Variants in NFIC observed in about 807,000 individuals in gnomAD.
NFIC encodes the protein nuclear factor I C.
Under a neutral mutation model 54.4 loss-of-function variants are expected in NFIC, and 12 were observed. The ratio of observed to expected loss-of-function variants is 0.22; its 90% CI spans 0.14 to 0.36. NFIC has a LOEUF of 0.36. Ranked by LOEUF, NFIC falls within the 10% of genes least tolerant of loss-of-function variation. The pLI is 1.00. For missense variants in NFIC, 575 were observed against 718.2 expected, an observed-to-expected ratio of 0.80 and a Z score of 2.28; for synonymous variants, 322 against 319.2, an observed-to-expected ratio of 1.01 and a Z score of -0.09.
rs1199694372 is a variant in NFIC at position 3,370,367 on chromosome 19, G to A, written c.30+3701G>A. Reference sequence around the variant, plus strand: ...TGTATCTCCCTCTGGGTCTCTCTGTGCATCTCTCTCTGTTTCTCCCCCTCC... The same window carrying A: ...TGTATCTCCCTCTGGGTCTCTCTGTACATCTCTCTCTGTTTCTCCCCCTCC... On this transcript the variant is annotated intron_variant, in intron 1 of 10. Coordinates refer to ENST00000443272, the MANE Select transcript of NFIC (RefSeq NM_001245002.2). The surrounding 1 kb of genome is among the most constrained non-coding windows in gnomAD (Gnocchi z 5.2). Among the ~76,000 whole-genome samples, 4 of 152,004 alleles carry A rather than the reference G, an allele frequency of 2.6e-5. No individual in the cohort carries two copies. The highest frequency in any genetic ancestry group is 4.4e-5 in the Non-Finnish European group (3 of 67,968).
At chr19:3,436,331 T>TAA (rs2082203664) in intron 6 of NFIC, among the ~76,000 whole-genome samples, 1 of 138,880 alleles carries the variant, frequency 7.2e-6, no homozygotes, top group South Asian at 2.3e-4. Flanking sequence ...TTTTTTTTTT[T>TAA]TTTTTTGGTA....
At chr19:3,365,402 T>C (rs1250668315), upstream of NFIC, among the ~76,000 whole-genome samples, 2 of 152,200 alleles carry the variant, frequency 1.3e-5, no homozygotes, top group Non-Finnish European at 2.9e-5. Context: ...TAAGCCACTT[T>C]ATAGGGGAGA....
intron 3 of NFIC, among the ~76,000 whole-genome samples, chr19:3,428,887 TCTC>T (rs1336542264): frequency 6.6e-6 from 1 of 150,852 alleles, no homozygotes; most frequent in Non-Finnish European, 1.5e-5. Context: ...TCTGGCCACT[TCTC>T]CTGGACACTC....
intron 6 of NFIC, among the ~76,000 whole-genome samples, chr19:3,444,011 C>T (rs1056839402): frequency 6.6e-6 from 1 of 152,364 alleles, no homozygotes; most frequent in Admixed American, 6.5e-5. Flanking sequence ...TGGGCCTTGG[C>T]CCCCTGGGGG....
At chr19:3,403,234 A>G (rs1474238823) in intron 2 of NFIC, among the ~76,000 whole-genome samples, 1 of 152,072 alleles carries the variant, frequency 6.6e-6, no homozygotes, top group Admixed American at 6.6e-5. Flanking sequence ...GGAAGGAGAA[A>G]GTTTCCTTCT....
At chr19:3,427,454 A>G (rs1437679334) in intron 3 of NFIC, among the ~76,000 whole-genome samples, 1 of 152,144 alleles carries the variant, frequency 6.6e-6, no homozygotes. Flanking sequence ...TTGTAGAAAG[A>G]AAAGAAGGAG....
chr19:3,397,053 TG>T (rs1457852509), intron 2 of NFIC, among the ~76,000 whole-genome samples: 1 of 151,988 alleles, frequency 6.6e-6, no homozygotes, highest in Non-Finnish European at 1.5e-5. Flanking sequence ...GGGTGCATTG[TG>T]GGGGGATTGC....
rs184464760 is a variant in NFIC, at chr19:3,370,875, A to G, written c.30+4209A>G. ...TCCTGCCTGTGTCCACGCCGACCTC[A>G]CCTGGGTGCCCATCTGCCCTGAGCA... On this transcript the variant is annotated intron_variant, in intron 1 of 10. Transcript: ENST00000443272. This position sits in a 1 kb window ranked among gnomAD's most constrained non-coding sequence, Gnocchi z 5.2. Among the ~76,000 whole-genome samples, 1 of 152,134 alleles carries G rather than the reference A, an allele frequency of 6.6e-6. No individual in the cohort carries two copies. Among genetic ancestry groups the G allele is most frequent in the East Asian group, 1.9e-4 (1 of 5,172 alleles).
At position 3,369,398 on chromosome 19, in the gene NFIC, G is replaced by C. The variant is rs557792533; in HGVS notation, c.30+2732G>C. 6.6e-6 allele frequency among the ~76,000 whole-genome samples: 1 copy of C among 151,250 alleles called. No individual in the cohort carries two copies. The highest frequency in any genetic ancestry group is 6.6e-5 in the Admixed American group (1 of 15,200). ...TACTCCTCTCTCTCTGTCTCTCTCT[G>C]TCTCTGGGCCTCCCTCTCCCCCTTT... On this transcript the variant is annotated intron_variant, in intron 1 of 10. Transcript: ENST00000443272. This position sits in a 1 kb window ranked among gnomAD's most constrained non-coding sequence, Gnocchi z 4.3.
intron 2 of NFIC, among the ~76,000 whole-genome samples, chr19:3,389,146 AAATGAATG>A: frequency 1.3e-5 from 2 of 152,286 alleles, no homozygotes; most frequent in African/African-American, 4.8e-5. Flanking sequence ...CTCAGGGAGT[AAATGAATG>A]AATGAATGAA....
intron 6 of NFIC, among the ~76,000 whole-genome samples, chr19:3,445,963 T>C (rs10408753): frequency 0.81 from 122,583 of 152,206 alleles, 50,574 homozygotes; most frequent in African/African-American, 0.95. Context: ...AGGGGCGCTC[T>C]TGGCACGGAG....
Position 3,434,992 on chromosome 19 carries a change from A to T in NFIC, c.834-91A>T. On this transcript the variant is annotated intron_variant, in intron 5 of 10. Coordinates refer to ENST00000443272, the MANE Select transcript of NFIC (RefSeq NM_001245002.2). ...GATACTACCTCCCTCGCCCCCGCTC[A>T]CTTAAGGACCGGAAGTAGCAAAGCC... 3 of 1,427,788 alleles carry T rather than the reference A, an allele frequency of 2.1e-6. No individual in the cohort carries two copies. In the South Asian group the frequency reaches 4.3e-5, roughly 20 times the overall value. The allele number at this position is 1,427,788 out of a possible 1,614,324, so 88.4% of individuals were successfully genotyped here. A position where few individuals can be genotyped will look rare whatever the true frequency, so the allele number is the denominator to read the frequency against.
intron 2 of NFIC, among the ~76,000 whole-genome samples, chr19:3,417,792 A>AT (rs71164696): frequency 0.82 from 109,194 of 132,528 alleles, 45,824 homozygotes; most frequent in East Asian, 0.92. Flanking sequence ...CGCCCGGCTA[A>AT]TTTTTTTTTT....
In NFIC at chr19:3,466,378, A is replaced by G; in HGVS notation, c.*3609A>G. The G allele has an allele frequency of 6.6e-6, 1 of 152,174 alleles. No individual in the cohort carries two copies. Among genetic ancestry groups the G allele is most frequent in the Non-Finnish European group, 1.5e-5 (1 of 67,996 alleles). 9.4% of individuals were successfully genotyped at this position (152,174 alleles called of 1,614,324 possible). On this transcript the variant is annotated 3_prime_UTR_variant, in exon 11 of 11. Transcript: ENST00000443272. The surrounding 1 kb of genome is among the most constrained non-coding windows in gnomAD (Gnocchi z 4.8). ...ACCTTAGGCCATTCCTGCAGCCCTC[A>G]CCACCTCCAGCCCCTCCAAGCATCT...
chr19:3,456,677 G>C, intron 10 of NFIC, 42 bp downstream of exon 10: 251 of 800,646 alleles, frequency 3.1e-4, no homozygotes, highest in Non-Finnish European at 4.7e-4. Flanking sequence ...GAGGGGCAGG[G>C]CAGAGGGGCC....
Position 3,435,348 on chromosome 19 carries a change from G to A in NFIC, c.958+141G>A, listed in dbSNP as rs1228170815. 8.9e-6 allele frequency: 11 copies of A among 1,232,912 alleles called. No homozygotes were observed. The East Asian group carries it at 1.4e-4, about 16-fold the overall frequency. The allele number at this position is 1,232,912 out of a possible 1,614,324, so 76.4% of individuals were successfully genotyped here. A position where few individuals can be genotyped will look rare whatever the true frequency, so the allele number is the denominator to read the frequency against. Reference sequence around the variant, plus strand: ...GCGGGGCCTCCTGGGAATTGTAGTCGTCCCGAGCTGCGCTTGGCTGGAAGT... The same window carrying A: ...GCGGGGCCTCCTGGGAATTGTAGTCATCCCGAGCTGCGCTTGGCTGGAAGT... On this transcript the variant is annotated intron_variant, in intron 6 of 10. Coordinates refer to ENST00000443272, the MANE Select transcript of NFIC (RefSeq NM_001245002.2).
At chr19:3,367,053 G>A (rs536838572) in intron 1 of NFIC, among the ~76,000 whole-genome samples, 3 of 151,660 alleles carry the variant, frequency 2.0e-5, no homozygotes, top group African/African-American at 7.2e-5. Context: ...GGGCTCTGCG[G>A]GAAGCCCCCC....
intron 6 of NFIC, among the ~76,000 whole-genome samples, chr19:3,443,625 T>A (rs960191482): frequency 3.3e-5 from 5 of 151,844 alleles, no homozygotes; most frequent in African/African-American, 9.7e-5. Context: ...ACGCAGAGGA[T>A]CATGGGACGC....
upstream of NFIC, chr19:3,366,541 G>GA (rs1483709084): frequency 5.3e-6 from 3 of 571,016 alleles, no homozygotes; most frequent in Non-Finnish European, 8.2e-6. Context: ...GGGCGGGGGG[G>GA]GGGGTTGGGG....
Sources: allele counts gnomAD v4.1 joint callset (sites outside exome capture counted in the v4.1 genomes callset), GRCh38; gene constraint gnomAD v4.1.1; non-coding constraint Gnocchi (gnomAD v3.1); transcripts MANE v1.5; gene names NCBI Gene and HGNC (gene_info 2026-07-23, HGNC 2026-07-21).